Variants in MYH8 observed in about 807,000 individuals in gnomAD.
MYH8 encodes the protein myosin-8.
Under a neutral mutation model 233.2 loss-of-function variants are expected in MYH8, and 168 were observed. The observed-to-expected ratio is 0.72, with a 90% confidence interval of 0.64 to 0.82. MYH8 has a LOEUF of 0.82. Among genes scored for constraint, MYH8 ranks in the 40% least tolerant of loss-of-function variants. MYH8 has a pLI of 0.00. For missense variants in MYH8, 1,995 were observed against 2,327.8 expected (o/e 0.86, Z 2.94); for synonymous variants, 785 against 850.6 (o/e 0.92, Z 1.34).
intron 2 of MYH8, among the ~76,000 whole-genome samples, chr17:10,421,429 G>A (rs1224756582): frequency 2.0e-5 from 3 of 152,144 alleles, no homozygotes; most frequent in African/African-American, 7.2e-5. Context: ...ACTCACTGTT[G>A]AAGCTAATTC....
At position 10,418,886 on chromosome 17, in the gene MYH8, C is replaced by G. The variant is rs368767607; in HGVS notation, c.354+1G>C. 15 of 1,613,906 alleles carry G rather than the reference C, an allele frequency of 9.3e-6. No individual in the cohort carries two copies. In the African/African-American group the frequency reaches 1.9e-4, roughly 20 times the overall value. On this transcript the variant is annotated splice_donor_variant, in intron 4 of 39. Coordinates refer to ENST00000403437, the MANE Select transcript of MYH8 (RefSeq NM_002472.3). LOFTEE classifies it high-confidence loss of function. The stretch of plus-strand genomic sequence containing the variant: ...ATAAAAAGGTGTTTACAGACACTCA[C>G]GTAGATCATCCAGGCTGCATAGCGC...
rs1338694429 is a variant in MYH8 at position 10,412,383 on chromosome 17, A to G, written c.1403T>C (p.Phe468Ser). 2 of 1,614,058 alleles carry G rather than the reference A, an allele frequency of 1.2e-6. No homozygotes were observed. The highest frequency in any genetic ancestry group is 8.5e-7 in the Non-Finnish European group (1 of 1,180,034). Residue 468 changes from phenylalanine to serine, a missense_variant, in exon 14 of 40, where the codon TTT becomes TCT. Phe to Ser is a radical substitution (Grantham distance 155). Transcript: ENST00000403437. ...YFIGVLDIAG[F>S]EIFDFNSLEQ... ...AATATAACTCACATCAAAGATTTCAAAGCCAGCAATGTCCAAGACCCCGAT... is the reference window on the plus strand; with the variant it reads ...AATATAACTCACATCAAAGATTTCAGAGCCAGCAATGTCCAAGACCCCGAT...
intron 38 of MYH8, 138 bp downstream of exon 38, chr17:10,392,404 A>G (rs530776641): frequency 2.4e-6 from 2 of 826,092 alleles, no homozygotes; most frequent in African/African-American, 1.7e-5. Context: ...GGTCTGTGAT[A>G]AGCAACTGTC....
chr17:10,404,598 G>A lies in MYH8; in HGVS notation c.2433-13C>T. 6.2e-7 allele frequency: 1 copy of A among 1,613,684 alleles called. No homozygotes were observed. The highest frequency in any genetic ancestry group is 8.5e-7 in the Non-Finnish European group (1 of 1,179,678). On this transcript the variant is annotated splice_polypyrimidine_tract_variant and intron_variant, in intron 21 of 39. Transcript: ENST00000403437. ...GAAAAGTGCTTCTCTGCGATGACATGAAAATATCAGTGTAGACTAATCCAT... is the reference window on the plus strand; with the variant it reads ...GAAAAGTGCTTCTCTGCGATGACATAAAAATATCAGTGTAGACTAATCCAT...
At chr17:10,398,380 T>G (rs1361289462) in intron 30 of MYH8, 64 bp downstream of exon 30, 1 of 1,611,910 alleles carries the variant, frequency 6.2e-7, no homozygotes, top group Non-Finnish European at 8.5e-7. Context: ...ATTGTTATGT[T>G]ATCATCATCA....
intron 21 of MYH8, 104 bp from the exon 22 acceptor site, chr17:10,404,689 A>C: frequency 7.4e-7 from 1 of 1,346,324 alleles, no homozygotes; most frequent in Non-Finnish European, 1.0e-6. Context: ...GCTCACAAAT[A>C]AATATGTCAC....
In MYH8 at chr17:10,420,209, C is replaced by A. The variant is rs577093992; in HGVS notation, c.19G>T (p.Ala7Ser). Residue 7 changes from alanine (A) to serine (S), a missense_variant, in exon 3 of 40, where the codon GCT becomes TCT. Transcript: ENST00000403437. MSASSD[A>S]EMAVFGEAAP... ...GCTTCGCCAAAAACAGCCATCTCAG[C>A]GTCTGAGCTCGCACTCATGGCTGCG... 6.2e-7 allele frequency: 1 copy of A among 1,613,248 alleles called. No individual in the cohort carries two copies. Among genetic ancestry groups the A allele is most frequent in the Non-Finnish European group, 8.5e-7 (1 of 1,180,052 alleles).
chr17:10,399,224 G>T (rs559390283), intron 28 of MYH8, among the ~76,000 whole-genome samples: 33 of 149,444 alleles, frequency 2.2e-4, no homozygotes, highest in Non-Finnish European at 3.8e-4. Context: ...TCAGATTTTT[G>T]ATTTTCAGAT....
rs2072098905 is a variant in MYH8, at chr17:10,398,441, T to C, written c.4178+3A>G. The C allele has an allele frequency of 6.2e-7, 1 of 1,613,872 alleles. No individual in the cohort carries two copies. The highest frequency in any genetic ancestry group is 8.5e-7 in the Non-Finnish European group (1 of 1,179,880). On this transcript the variant is annotated splice_donor_region_variant and intron_variant, in intron 30 of 39. Transcript: ENST00000403437. The stretch of plus-strand genomic sequence containing the variant: ...TTCCTCTTCTAGAGTTCACAGCACA[T>C]ACTTGGCCTCCTCCAGCTCCTCTGT...
In MYH8 at chr17:10,404,351, G is replaced by A. The variant is rs201350664; in HGVS notation, c.2667C>T (p.Asp889=). The part of the protein sequence containing the change: ...KMVTLLKEKN[D]LQLQVQSEAD... ...TCACAGATTGAACCTGGAGTTGCAGGTCATTTTTCTCTTTTAAGAGAGTGA... is the reference window on the plus strand; with the variant it reads ...TCACAGATTGAACCTGGAGTTGCAGATCATTTTTCTCTTTTAAGAGAGTGA... The change falls in exon 22 of 40, where the codon GAC becomes GAT. Residue 889 remains aspartate, a synonymous_variant. Coordinates refer to ENST00000403437, the MANE Select transcript of MYH8 (RefSeq NM_002472.3). 53 of 1,613,870 alleles carry A rather than the reference G, an allele frequency of 3.3e-5. No individual in the cohort carries two copies. In the East Asian group the frequency reaches 1.2e-3, roughly 35 times the overall value.
chr17:10,413,847 A>ATT lies in MYH8; in HGVS notation c.1147+53_1147+54dup, dbSNP rs569420870. 144 of 1,255,568 alleles carry ATT rather than the reference A, an allele frequency of 1.1e-4. No individual in the cohort carries two copies. In the African/African-American group the frequency reaches 1.8e-3, roughly 16 times the overall value. The allele number at this position is 1,255,568 out of a possible 1,614,324, so 77.8% of individuals were successfully genotyped here. A position where few individuals can be genotyped will look rare whatever the true frequency, so the allele number is the denominator to read the frequency against. The stretch of plus-strand genomic sequence containing the variant: ...AAAGGAGATGTGAGTGTAAAATAGG[A>ATT]TTTTTTTTTTTGCTACATTCTCTCA... On this transcript the variant is annotated intron_variant, in intron 12 of 39. Transcript: ENST00000403437.
At chr17:10,402,722 C>A (rs2072155221) in intron 22 of MYH8, among the ~76,000 whole-genome samples, 1 of 152,004 alleles carries the variant, frequency 6.6e-6, no homozygotes, top group South Asian at 2.1e-4. Flanking sequence ...TGAACATTCT[C>A]CTATATAACT....
chr17:10,404,007 A>G (rs1206894691), intron 22 of MYH8, among the ~76,000 whole-genome samples: 2 of 152,208 alleles, frequency 1.3e-5, no homozygotes, highest in African/African-American at 4.8e-5. Flanking sequence ...ATAGAGCTAT[A>G]CTTTTAATGC....
intron 17 of MYH8, among the ~76,000 whole-genome samples, chr17:10,407,276 A>G (rs1380597063): frequency 6.6e-6 from 1 of 152,228 alleles, no homozygotes; most frequent in Non-Finnish European, 1.5e-5. Context: ...TCAACCGAGA[A>G]TCACAAGACA....
chr17:10,401,930 C>T, intron 22 of MYH8, 145 bp from the exon 23 acceptor site: 2 of 1,222,088 alleles, frequency 1.6e-6, no homozygotes, highest in South Asian at 2.7e-5. Flanking sequence ...AACATTATTA[C>T]ATGGTCTGGA....
rs9892817 is a variant in MYH8 at position 10,400,243 on chromosome 17, C to T, written c.3735+147G>A. On this transcript the variant is annotated intron_variant, in intron 27 of 39. Transcript: ENST00000403437. The surrounding 1 kb of genome is among the most constrained non-coding windows in gnomAD (Gnocchi z 4.0). ...AATCATCTTAATCGATCATAACCAG[C>T]ATTTTAAAAAATACCATAGAATGGG... is the stretch of plus-strand genomic sequence containing the variant. The T allele has an allele frequency of 1.2e-3, 1,427 of 1,153,832 alleles. 14 individuals are homozygous for T. In the African/African-American group the frequency reaches 0.02, roughly 16 times the overall value. The allele number at this position is 1,153,832 out of a possible 1,614,324, so 71.5% of individuals were successfully genotyped here.
rs1313101303 is a variant in MYH8, at chr17:10,415,531, A to G, written c.589T>C (p.Tyr197His). Residue 197 changes from tyrosine to histidine, a missense_variant, in exon 7 of 40, where the codon TAC (tyrosine) becomes CAC (histidine). By Grantham distance (83) the Tyr-to-His change is moderately conservative. Around this residue, in one of 3 missense-constraint regions of MYH8, gnomAD observed 479 missense variants for 600.9 expected, o/e 0.80. Transcript: ENST00000403437. The surrounding 1 kb of genome is among the most constrained non-coding windows in gnomAD (Gnocchi z 4.1). Reference protein sequence around the residue: ...KTVNTKRVIQYFATIAVTGEK... With the variant: ...KTVNTKRVIQHFATIAVTGEK... ...CCAGTAACTGCAATTGTTGCAAAGT[A>G]TTGGATGACACGCTTGGTGTTCACA... 6.2e-7 allele frequency: 1 copy of G among 1,614,238 alleles called. No individual in the cohort carries two copies. Among genetic ancestry groups the G allele is most frequent in the Admixed American group, 1.7e-5 (1 of 60,026 alleles).
chr17:10,407,254 A>G (rs1021146189), intron 17 of MYH8, among the ~76,000 whole-genome samples: 2 of 152,220 alleles, frequency 1.3e-5, no homozygotes, highest in Non-Finnish European at 2.9e-5. Flanking sequence ...TGTGATGTAC[A>G]AGGAAGGGTT....
At chr17:10,420,285 G>C (rs904110225) in intron 2 of MYH8, 28 bp from the exon 3 acceptor site, 8 of 1,574,790 alleles carry the variant, frequency 5.1e-6, no homozygotes, top group Non-Finnish European at 7.0e-6. Context: ...GGGAGAGAGA[G>C]ATATAAAAAG....
Sources: allele counts gnomAD v4.1 joint callset (sites outside exome capture counted in the v4.1 genomes callset), GRCh38; gene constraint gnomAD v4.1.1; regional missense constraint gnomAD v4.1.1; non-coding constraint Gnocchi (gnomAD v3.1); transcripts MANE v1.5; gene names NCBI Gene and HGNC (gene_info 2026-07-23, HGNC 2026-07-21).